B3GALT1: variants seen among roughly 807,000 people sequenced by gnomAD.
B3GALT1 encodes UDP-Gal:betaGlcNAc beta 1,3-galactosyltransferase, polypeptide 1.
Under a neutral mutation model 23.2 loss-of-function variants are expected in B3GALT1, and 10 were observed. The ratio of observed to expected loss-of-function variants is 0.43; its 90% CI spans 0.27 to 0.73. The LOEUF (loss-of-function observed/expected upper bound fraction) is 0.73. Among genes scored for constraint, B3GALT1 ranks in the 30% least tolerant of loss-of-function variants. The probability of loss-of-function intolerance (pLI) is 0.21; values close to 1 mark genes in which losing one functional copy is unlikely to be tolerated. For missense variants in B3GALT1, 299 were observed against 405.4 expected (o/e 0.74, Z 2.25); for synonymous variants, 156 against 141.5 (o/e 1.10, Z -0.73).
At chr2:167,714,404 C>A (rs1465820535) in intron 3 of B3GALT1, 39 of 1,544,888 alleles carry the variant, frequency 2.5e-5, no homozygotes, top group Admixed American at 5.0e-5. Context: ...GCTTCCTCCT[C>A]CCCCTGGAAG....
chr2:167,778,181 A>G (rs1688193299), intron 3 of B3GALT1, among the ~76,000 whole-genome samples: 1 of 152,224 alleles, frequency 6.6e-6, no homozygotes, highest in South Asian at 2.1e-4. Context: ...ATTTGCAGTT[A>G]GAGAATAAGA....
chr2:167,678,340 G>T (rs551709321), intron 3 of B3GALT1, among the ~76,000 whole-genome samples: 2 of 152,192 alleles, frequency 1.3e-5, no homozygotes, highest in South Asian at 4.2e-4. Context: ...TACTGATAGT[G>T]TCCCCATTTT....
At chr2:167,561,671 C>T (rs1475876678) in intron 2 of B3GALT1, among the ~76,000 whole-genome samples, 3 of 152,294 alleles carry the variant, frequency 2.0e-5, no homozygotes, top group South Asian at 4.1e-4. Context: ...GAGAATACTA[C>T]AAACACCTCT....
At chr2:167,768,736 C>T (rs543297415) in intron 3 of B3GALT1, among the ~76,000 whole-genome samples, 1 of 152,182 alleles carries the variant, frequency 6.6e-6, no homozygotes. Context: ...CAAAAACTCA[C>T]GCAGACACCT....
chr2:167,347,100 T>G (rs1697232741), intron 1 of B3GALT1, among the ~76,000 whole-genome samples: 1 of 152,186 alleles, frequency 6.6e-6, no homozygotes. Context: ...TAGGTAATCT[T>G]AAACCAAATG....
chr2:167,540,741 A>T (rs558106595), intron 2 of B3GALT1, among the ~76,000 whole-genome samples: 50 of 152,296 alleles, frequency 3.3e-4, no homozygotes, highest in African/African-American at 1.2e-3. Flanking sequence ...ATCTACTTTT[A>T]TATTTTATCT....
At chr2:167,773,238 T>C (rs1458207165) in intron 3 of B3GALT1, among the ~76,000 whole-genome samples, 1 of 152,234 alleles carries the variant, frequency 6.6e-6, no homozygotes. Context: ...CAATCTTTGA[T>C]ATTATATGTT....
intron 1 of B3GALT1, among the ~76,000 whole-genome samples, chr2:167,346,290 A>G (rs967072651): frequency 2.0e-5 from 3 of 152,078 alleles, no homozygotes; most frequent in Non-Finnish European, 2.9e-5. Flanking sequence ...GGCTCAGAAA[A>G]CAAGTACTGG....
chr2:167,774,869 A>G (rs1408799563), intron 3 of B3GALT1, among the ~76,000 whole-genome samples: 1 of 152,214 alleles, frequency 6.6e-6, no homozygotes, highest in Non-Finnish European at 1.5e-5. Flanking sequence ...AAACTTATTA[A>G]AAATCAAACT....
At chr2:167,410,992 A>G (rs944129223) in intron 1 of B3GALT1, among the ~76,000 whole-genome samples, 1 of 152,140 alleles carries the variant, frequency 6.6e-6, no homozygotes, top group African/African-American at 2.4e-5. Context: ...AGGAGCATAT[A>G]TCAAATAATT....
intron 2 of B3GALT1, among the ~76,000 whole-genome samples, chr2:167,551,271 G>T (rs866434943): frequency 6.6e-6 from 1 of 152,198 alleles, no homozygotes; most frequent in Non-Finnish European, 1.5e-5. Flanking sequence ...TGTGTTTTCA[G>T]TGTAAATAAA....
chr2:167,436,633 TAATA>T (rs1698790546), intron 1 of B3GALT1, among the ~76,000 whole-genome samples: 1 of 152,180 alleles, frequency 6.6e-6, no homozygotes, highest in Non-Finnish European at 1.5e-5. Flanking sequence ...TACATTTACT[TAATA>T]AATATTTTTT....
At position 167,873,734 on chromosome 2, in the gene B3GALT1, T is replaced by G. The variant is rs1036293072; in HGVS notation, c.*3714T>G. ...GTATTTATGTATTTATTTGTCAAAA[T>G]TGTACATACTGTTTCGCCAAAAGTA... is the stretch of plus-strand genomic sequence containing the variant. On this transcript the variant is annotated 3_prime_UTR_variant, in exon 5 of 5. Coordinates refer to ENST00000392690, the MANE Select transcript of B3GALT1 (RefSeq NM_020981.4). 1 of 152,244 alleles carries G rather than the reference T, an allele frequency of 6.6e-6. No homozygotes were observed. Among genetic ancestry groups the G allele is most frequent in the Admixed American group, 6.5e-5 (1 of 15,290 alleles). 9.4% of individuals were successfully genotyped at this position (152,244 alleles called of 1,614,324 possible).
intron 4 of B3GALT1, among the ~76,000 whole-genome samples, chr2:167,842,586 A>C (rs1036930605): frequency 6.6e-6 from 1 of 152,186 alleles, no homozygotes; most frequent in Non-Finnish European, 1.5e-5. Context: ...AATAATATTA[A>C]TATTTGGCTG....
intron 3 of B3GALT1, among the ~76,000 whole-genome samples, chr2:167,739,605 A>G (rs1317569754): frequency 6.6e-6 from 1 of 151,764 alleles, no homozygotes; most frequent in African/African-American, 2.4e-5. Flanking sequence ...AGCCTATTTT[A>G]TTTTCTCCAT....
chr2:167,576,677 G>A (rs1684395016), intron 2 of B3GALT1, among the ~76,000 whole-genome samples: 1 of 151,450 alleles, frequency 6.6e-6, no homozygotes, highest in Non-Finnish European at 1.5e-5. Flanking sequence ...TAAATTATCA[G>A]AGGAGCAGTG....
chr2:167,408,268 C>T (rs1176874446), intron 1 of B3GALT1, among the ~76,000 whole-genome samples: 1 of 152,008 alleles, frequency 6.6e-6, no homozygotes, highest in Non-Finnish European at 1.5e-5. Flanking sequence ...TCAGAAAAAC[C>T]TTATGATTAT....
At chr2:167,866,507 G>T (rs1263539727) in intron 4 of B3GALT1, among the ~76,000 whole-genome samples, 1 of 152,182 alleles carries the variant, frequency 6.6e-6, no homozygotes, top group African/African-American at 2.4e-5. Context: ...TGGATGCATG[G>T]ATTAACAAAT....
rs774065159 is a variant in B3GALT1, at chr2:167,869,541, T to G, written c.502T>G (p.Ser168Ala). 1 of 1,614,058 alleles carries G rather than the reference T, an allele frequency of 6.2e-7. No homozygotes were observed. Among genetic ancestry groups the G allele is most frequent in the South Asian group, 1.1e-5 (1 of 91,072 alleles). Reference sequence around the variant, plus strand: ...GATGAGATGGGTGGCCACTTTTTGTTCAAAAGCCAAGTATGTCATGAAAAC... The same window carrying G: ...GATGAGATGGGTGGCCACTTTTTGTGCAAAAGCCAAGTATGTCATGAAAAC... ...MGMRWVATFC[S>A]KAKYVMKTDS... Residue 168 changes from serine (S) to alanine (A), a missense_variant, in exon 5 of 5, where the codon TCA becomes GCA. Physicochemically the swap from Ser to Ala is moderately conservative, Grantham distance 99. Around this residue, in one of 3 missense-constraint regions of B3GALT1, gnomAD observed 133 missense variants for 204.8 expected, o/e 0.65. Transcript: ENST00000392690. This position sits in a 1 kb window ranked among gnomAD's most constrained non-coding sequence, Gnocchi z 6.4.
Sources: allele counts gnomAD v4.1 joint callset (sites outside exome capture counted in the v4.1 genomes callset), GRCh38; gene constraint gnomAD v4.1.1; regional missense constraint gnomAD v4.1.1; non-coding constraint Gnocchi (gnomAD v3.1); transcripts MANE v1.5; gene names NCBI Gene and HGNC (gene_info 2026-07-23, HGNC 2026-07-21).